Variants in RAB7A observed in about 807,000 individuals in gnomAD.
The protein encoded by RAB7A is ras-related protein Rab-7a.
In RAB7A, 2 loss-of-function variants were observed where a neutral mutation model predicts 24.5. The ratio of observed to expected loss-of-function variants is 0.08; its 90% CI spans 0.03 to 0.26. RAB7A has a LOEUF of 0.26. Ranked by LOEUF, RAB7A falls within the 10% of genes least tolerant of loss-of-function variation. The pLI, the probability that RAB7A is intolerant of heterozygous loss-of-function variation, is 1.00. For synonymous variants in RAB7A, 100 were observed against 95.9 expected (o/e 1.04, Z -0.25); for missense variants, 118 against 255.7 (o/e 0.46, Z 3.67).
Position 128,814,047 on chromosome 3 carries a change from T to C in RAB7A, c.*625T>C, listed in dbSNP as rs545004919. 50 of 158,770 alleles carry C rather than the reference T, an allele frequency of 3.1e-4. No homozygotes were observed. The highest frequency in any genetic ancestry group is 1.6e-3 in the South Asian group (9 of 5,634). 9.8% of individuals were successfully genotyped at this position (158,770 alleles called of 1,614,324 possible). The stretch of plus-strand genomic sequence containing the variant: ...TAATGCTTCTTAGAAAAGAATCTTA[T>C]AGTACATGTTAATATATGCAACCAA... On this transcript the variant is annotated 3_prime_UTR_variant, in exon 6 of 6. Transcript: ENST00000265062.
At chr3:128,784,005 G>A (rs1933276150) in intron 1 of RAB7A, among the ~76,000 whole-genome samples, 1 of 152,264 alleles carries the variant, frequency 6.6e-6, no homozygotes, top group South Asian at 2.1e-4. Context: ...GGCAGGTCCA[G>A]CCATCTCTTC....
intron 1 of RAB7A, among the ~76,000 whole-genome samples, chr3:128,742,209 A>G (rs186273113): frequency 6.6e-6 from 1 of 151,156 alleles, no homozygotes; most frequent in African/African-American, 2.4e-5. Flanking sequence ...CCTCCCGTCT[A>G]GAGTTGTTTA....
intron 1 of RAB7A, among the ~76,000 whole-genome samples, chr3:128,761,814 A>G (rs1326175111): frequency 6.6e-6 from 1 of 152,234 alleles, no homozygotes; most frequent in Non-Finnish European, 1.5e-5. Flanking sequence ...TAGGGATGTG[A>G]ATAAGACTAC....
intron 1 of RAB7A, among the ~76,000 whole-genome samples, chr3:128,737,040 T>G (rs891025835): frequency 2.1e-5 from 1 of 48,172 alleles, no homozygotes; most frequent in African/African-American, 2.2e-4. Context: ...AGAAATTTAT[T>G]TATTTATTAT....
intron 1 of RAB7A, among the ~76,000 whole-genome samples, chr3:128,740,527 C>T (rs1346753681): frequency 3.3e-5 from 5 of 151,882 alleles, no homozygotes; most frequent in African/African-American, 1.2e-4. Context: ...ATATACTTGT[C>T]AATTGTCAGT....
At chr3:128,791,162 A>G (rs1177036257) in intron 1 of RAB7A, among the ~76,000 whole-genome samples, 4 of 151,908 alleles carry the variant, frequency 2.6e-5, no homozygotes, top group African/African-American at 9.7e-5. Flanking sequence ...TTTTTTTTAA[A>G]GACAATTTTG....
chr3:128,768,851 G>C (rs564208479), intron 1 of RAB7A, among the ~76,000 whole-genome samples: 9 of 150,320 alleles, frequency 6.0e-5, no homozygotes. Flanking sequence ...GAGACACTGC[G>C]CCCAGCCTAA....
intron 1 of RAB7A, among the ~76,000 whole-genome samples, chr3:128,764,131 C>T (rs1310397644): frequency 6.6e-6 from 1 of 152,080 alleles, no homozygotes; most frequent in Non-Finnish European, 1.5e-5. Flanking sequence ...CAGCCTTCTC[C>T]CTCCCATTTA....
In RAB7A at chr3:128,737,651, CT is replaced by C. The variant is rs76319408; in HGVS notation, c.-9+11306del. ...GTGAGCCACCTATCTTTCTGTCTCT[CT>C]TTTTTTTTTTTTTGAGACAGGGTCT... On this transcript the variant is annotated intron_variant, in intron 1 of 5. Transcript: ENST00000265062. Among the ~76,000 whole-genome samples, 368 of 138,598 alleles carry C rather than the reference CT, an allele frequency of 2.7e-3. 1 individual carries two copies. Among genetic ancestry groups the C allele is most frequent in the South Asian group, 3.2e-3 (14 of 4,416 alleles). 90.9% of individuals were successfully genotyped at this position (138,598 alleles called of 152,430 possible). A position where few individuals can be genotyped will look rare whatever the true frequency, so the allele number is the denominator to read the frequency against.
chr3:128,738,277 C>G (rs1407583219), intron 1 of RAB7A, among the ~76,000 whole-genome samples: 1 of 152,050 alleles, frequency 6.6e-6, no homozygotes, highest in East Asian at 1.9e-4. Flanking sequence ...AGTAGCTCGC[C>G]CACCCTGGCT....
At chr3:128,768,548 G>GTGTTT (rs141242223) in intron 1 of RAB7A, among the ~76,000 whole-genome samples, 6,292 of 152,040 alleles carry the variant, frequency 0.041, 174 homozygotes, top group Non-Finnish European at 0.058. Context: ...TAAAGTGTGC[G>GTGTTT]TGTTTTGTTT....
chr3:128,798,077 C>G lies in RAB7A; in HGVS notation c.180+8C>G. On this transcript the variant is annotated splice_region_variant and intron_variant, in intron 3 of 5. Coordinates refer to ENST00000265062, the MANE Select transcript of RAB7A (RefSeq NM_004637.6). ...AGGCTAGTCACAATGCAGGTAAGCA[C>G]ATGTCTTGGCTGTGCTGACCAGGCC... 1 of 1,613,872 alleles carries G rather than the reference C, an allele frequency of 6.2e-7. No individual in the cohort carries two copies. The highest frequency in any genetic ancestry group is 8.5e-7 in the Non-Finnish European group (1 of 1,179,810).
In RAB7A at chr3:128,763,217, T is replaced by A. The variant is rs1236717427; in HGVS notation, c.-8-32143T>A. On this transcript the variant is annotated intron_variant, in intron 1 of 5. Transcript: ENST00000265062. ...ATATATATATATATATATTTTTTTT[T>A]TTTTTTTTTTTTTTTGAGACGGAGT... 2.3e-3 allele frequency among the ~76,000 whole-genome samples: 276 copies of A among 120,438 alleles called. 1 individual carries two copies. Among genetic ancestry groups the A allele is most frequent in the East Asian group, 0.015 (61 of 3,944 alleles). The allele number at this position is 120,438 out of a possible 152,430, so 79.0% of individuals were successfully genotyped here. A position where few individuals can be genotyped will look rare whatever the true frequency, so the allele number is the denominator to read the frequency against.
chr3:128,743,263 G>A (rs778683635), intron 1 of RAB7A, among the ~76,000 whole-genome samples: 21 of 152,332 alleles, frequency 1.4e-4, no homozygotes, highest in Non-Finnish European at 2.4e-4. Flanking sequence ...CCGCTGGTCC[G>A]CGAGTGCCGC....
chr3:128,736,064 A>C (rs2070487141), intron 1 of RAB7A, among the ~76,000 whole-genome samples: 1 of 152,072 alleles, frequency 6.6e-6, no homozygotes, highest in South Asian at 2.1e-4. Flanking sequence ...GGAATGCAGT[A>C]CTCAGAGCAA....
chr3:128,765,756 AC>A (rs1401329487), intron 1 of RAB7A, among the ~76,000 whole-genome samples: 1 of 71,752 alleles, frequency 1.4e-5, no homozygotes, highest in Non-Finnish European at 2.4e-5. Context: ...CTCTACCTCT[AC>A]TTTTTTTTTT....
At chr3:128,757,207 A>G (rs2070737134) in intron 1 of RAB7A, among the ~76,000 whole-genome samples, 2 of 152,166 alleles carry the variant, frequency 1.3e-5, no homozygotes, top group African/African-American at 2.4e-5. Context: ...CATGCCAACC[A>G]GAGACTATGC....
At chr3:128,749,797 C>T (rs1046499614) in intron 1 of RAB7A, among the ~76,000 whole-genome samples, 1 of 152,208 alleles carries the variant, frequency 6.6e-6, no homozygotes, top group Non-Finnish European at 1.5e-5. Flanking sequence ...CTTCCCCAGC[C>T]ACGTGGAACT....
chr3:128,736,472 T>A (rs930785937), intron 1 of RAB7A, among the ~76,000 whole-genome samples: 7 of 152,090 alleles, frequency 4.6e-5, no homozygotes, highest in Admixed American at 1.3e-4. Context: ...ACCAATAACC[T>A]CAAAGTGGTC....
Sources: allele counts gnomAD v4.1 joint callset (sites outside exome capture counted in the v4.1 genomes callset), GRCh38; gene constraint gnomAD v4.1.1; transcripts MANE v1.5; gene names NCBI Gene and HGNC (gene_info 2026-07-23, HGNC 2026-07-21).